FRMD3: variants seen among roughly 807,000 people sequenced by gnomAD.
FRMD3 encodes FERM domain containing 3.
A neutral mutation model predicts 70.2 loss-of-function variants in FRMD3; 33 were observed. The observed-to-expected ratio is 0.47, with a 90% CI of 0.36 to 0.63. The LOEUF (loss-of-function observed/expected upper bound fraction) is 0.63. Among genes scored for constraint, FRMD3 ranks in the 20% least tolerant of loss-of-function variants. The pLI, the probability that FRMD3 is intolerant of heterozygous loss-of-function variation, is 0.00. For synonymous variants in FRMD3, 279 were observed against 255.9 expected (o/e 1.09, Z -0.86); for missense variants, 632 against 711.4 (o/e 0.89, Z 1.27).
At chr9:83,407,878 T>TTCTC (rs147066768) in intron 1 of FRMD3, among the ~76,000 whole-genome samples, 2,052 of 89,014 alleles carry the variant, frequency 0.023, 86 homozygotes, top group African/African-American at 0.08. Context: ...TCTCTCATCT[T>TTCTC]TCTCTCTCTC....
intron 1 of FRMD3, among the ~76,000 whole-genome samples, chr9:83,422,098 G>A (rs916556372): frequency 2.0e-5 from 3 of 152,166 alleles, no homozygotes; most frequent in South Asian, 2.1e-4. Flanking sequence ...GGTGGTGCAT[G>A]CCTGTAATCC....
chr9:83,346,960 T>A (rs994082652), intron 4 of FRMD3, among the ~76,000 whole-genome samples: 2 of 152,228 alleles, frequency 1.3e-5, no homozygotes, highest in African/African-American at 4.8e-5. Flanking sequence ...TTAGCCCTTT[T>A]TAAGGACTGT....
At chr9:83,303,635 G>A (rs1835006832) in intron 10 of FRMD3, among the ~76,000 whole-genome samples, 1 of 152,150 alleles carries the variant, frequency 6.6e-6, no homozygotes, top group Non-Finnish European at 1.5e-5. Context: ...GCAATAACTG[G>A]GAAACTTCTA....
chr9:83,323,963 G>A (rs1835911932), intron 6 of FRMD3, among the ~76,000 whole-genome samples: 1 of 152,178 alleles, frequency 6.6e-6, no homozygotes, highest in Non-Finnish European at 1.5e-5. Flanking sequence ...AGGGAGTCCT[G>A]TACATGTACC....
intron 1 of FRMD3, among the ~76,000 whole-genome samples, chr9:83,392,080 A>C (rs902366022): frequency 2.0e-5 from 3 of 149,134 alleles, no homozygotes; most frequent in Admixed American, 1.3e-4. Context: ...ACCACAAAGA[A>C]AAAAAAAAAA....
intron 3 of FRMD3, among the ~76,000 whole-genome samples, chr9:83,359,066 G>A (rs1446921517): frequency 6.6e-6 from 1 of 152,160 alleles, no homozygotes; most frequent in African/African-American, 2.4e-5. Context: ...CAGCAACAGT[G>A]ATGATCCTTC....
the FRMD3 span, among the ~76,000 whole-genome samples, chr9:83,558,534 A>T: frequency 1.3e-5 from 2 of 152,182 alleles, no homozygotes; most frequent in African/African-American, 4.8e-5. Context: ...ATATGTGGAG[A>T]TGAATGTTGT....
At chr9:83,477,239 A>G (rs954150892) in intron 1 of FRMD3, among the ~76,000 whole-genome samples, 10 of 152,196 alleles carry the variant, frequency 6.6e-5, no homozygotes, top group Admixed American at 2.6e-4. Flanking sequence ...ACTTTTGACA[A>G]CTAGGCCAAG....
chr9:83,397,575 G>T (rs1245338910), intron 1 of FRMD3, among the ~76,000 whole-genome samples: 4 of 152,270 alleles, frequency 2.6e-5, no homozygotes, highest in Non-Finnish European at 5.9e-5. Context: ...GCCCCAGGAT[G>T]GTGGGAACAG....
At chr9:83,579,673 A>G in the FRMD3 span, among the ~76,000 whole-genome samples, 2 of 152,256 alleles carry the variant, frequency 1.3e-5, no homozygotes, top group Middle Eastern at 3.4e-3. Context: ...CTGGAACTGT[A>G]AAACTACTAG....
At chr9:83,455,573 T>C (rs531170698) in intron 1 of FRMD3, among the ~76,000 whole-genome samples, 11 of 152,328 alleles carry the variant, frequency 7.2e-5, no homozygotes, top group African/African-American at 2.2e-4. Context: ...TGTGGAACTA[T>C]AAGCCCAATT....
At chr9:83,402,915 T>TC (rs1564060057) in intron 1 of FRMD3, among the ~76,000 whole-genome samples, 3 of 143,564 alleles carry the variant, frequency 2.1e-5, no homozygotes, top group African/African-American at 8.0e-5. Context: ...TTTTTTTTTT[T>TC]TTTTTTGAGA....
At chr9:83,557,656 G>A in the FRMD3 span, among the ~76,000 whole-genome samples, 1 of 152,214 alleles carries the variant, frequency 6.6e-6, no homozygotes, top group African/African-American at 2.4e-5. Flanking sequence ...GTACTAATTA[G>A]AAGGCCCAAA....
chr9:83,254,558 G>C (rs1335602412), intron 13 of FRMD3, among the ~76,000 whole-genome samples: 1 of 145,370 alleles, frequency 6.9e-6, no homozygotes, highest in Admixed American at 6.9e-5. Context: ...GGAGATAGAG[G>C]CATAAAAAAA....
At chr9:83,297,415 T>A (rs1207582416) in intron 12 of FRMD3, 1 of 193,040 alleles carries the variant, frequency 5.2e-6, no homozygotes. Flanking sequence ...AGGTCTGCCA[T>A]CAAAAAAAGT....
chr9:83,471,579 A>G (rs1828270264), intron 1 of FRMD3, among the ~76,000 whole-genome samples: 1 of 152,148 alleles, frequency 6.6e-6, no homozygotes, highest in African/African-American at 2.4e-5. Flanking sequence ...ACTGCTCCAC[A>G]CAAAGGAAGA....
chr9:83,401,231 G>T (rs1422164730), intron 1 of FRMD3, among the ~76,000 whole-genome samples: 1 of 152,212 alleles, frequency 6.6e-6, no homozygotes, highest in Non-Finnish European at 1.5e-5. Flanking sequence ...AGGTCACATG[G>T]CAAGCAAATG....
intron 1 of FRMD3, among the ~76,000 whole-genome samples, chr9:83,510,709 C>T (rs952434193): frequency 3.9e-5 from 6 of 152,210 alleles, no homozygotes; most frequent in African/African-American, 1.4e-4. Flanking sequence ...TACTGATAAA[C>T]ACTAAACATG....
At chr9:83,322,156 A>C (rs1285843149) in intron 6 of FRMD3, among the ~76,000 whole-genome samples, 2 of 152,026 alleles carry the variant, frequency 1.3e-5, no homozygotes, top group Non-Finnish European at 2.9e-5. Context: ...GTGGATGTCC[A>C]CTCACATCTC....
Sources: gnomAD v4.1 joint callset for allele counts (sites outside exome capture counted in the v4.1 genomes callset) on GRCh38, gnomAD v4.1.1 for gene constraint, MANE v1.5 for transcripts, NCBI Gene and HGNC (gene_info 2026-07-23, HGNC 2026-07-21) for gene names.